Variants in NME8 observed in about 807,000 individuals in gnomAD.
NME8 encodes the protein protein NME8.
In NME8, 72 loss-of-function variants were observed where a neutral mutation model predicts 82.3. The observed-to-expected ratio is 0.87, with a 90% confidence interval of 0.72 to 1.06. The LOEUF (loss-of-function observed/expected upper bound fraction) is 1.06, where lower values mean the gene tolerates loss of function less well. NME8 is among the 50% of genes least tolerant of loss of function. The pLI, the probability that NME8 is intolerant of heterozygous loss-of-function variation, is 0.00. For missense variants in NME8, 712 were observed against 685.4 expected, an observed-to-expected ratio of 1.04 and a Z score of -0.43; for synonymous variants, 267 against 228.5, an observed-to-expected ratio of 1.17 and a Z score of -1.52.
intron 10 of NME8, among the ~76,000 whole-genome samples, chr7:37,867,342 A>C (rs1784698658): frequency 6.6e-6 from 1 of 151,666 alleles, no homozygotes; most frequent in African/African-American, 2.4e-5. Context: ...ATAAAATGAG[A>C]GGCACGTTTG....
At chr7:37,862,002 C>G in intron 6 of NME8, 26 bp from the exon 7 acceptor site, 1 of 1,425,148 alleles carries the variant, frequency 7.0e-7, no homozygotes, top group Non-Finnish European at 9.9e-7. Context: ...ATGAAAGTTC[C>G]CCTCCTGTTT....
chr7:37,896,137 G>A (rs2131976910), intron 16 of NME8, among the ~76,000 whole-genome samples: 1 of 152,258 alleles, frequency 6.6e-6, no homozygotes, highest in Non-Finnish European at 1.5e-5. Flanking sequence ...ATGAGTTTAG[G>A]AAGGCAGAAT....
intron 5 of NME8, among the ~76,000 whole-genome samples, chr7:37,856,077 T>TA (rs1308625804): frequency 1.3e-5 from 2 of 152,206 alleles, no homozygotes; most frequent in Non-Finnish European, 2.9e-5. Context: ...CTCAGCTTTT[T>TA]AGCAGCACTT....
intron 15 of NME8, among the ~76,000 whole-genome samples, chr7:37,890,246 A>G (rs1785108066): frequency 6.6e-6 from 1 of 152,024 alleles, no homozygotes; most frequent in Non-Finnish European, 1.5e-5. Flanking sequence ...CTTTCTCTCA[A>G]AATATATGTT....
chr7:37,855,303 A>G lies in NME8; in HGVS notation c.199-1971A>G, dbSNP rs140958082. Among the ~76,000 whole-genome samples the G allele has an allele frequency of 9.1e-3, 1,392 of 152,318 alleles. 15 individuals carry two copies. The highest frequency in any genetic ancestry group is 0.015 in the Non-Finnish European group (1,008 of 68,022). ...CCAGAATAAAAGGTTCTCATTGTCC[A>G]GGATTTCTTGTACAACTGAAAGACT... On this transcript the variant is annotated intron_variant, in intron 5 of 17. Coordinates refer to ENST00000199447, the MANE Select transcript of NME8 (RefSeq NM_016616.5).
At chr7:37,894,039 A>G (rs902293907) in intron 15 of NME8, among the ~76,000 whole-genome samples, 2 of 152,178 alleles carry the variant, frequency 1.3e-5, no homozygotes, top group Admixed American at 1.3e-4. Context: ...TGAGATTTTG[A>G]CAACATTTGC....
intron 15 of NME8, among the ~76,000 whole-genome samples, chr7:37,891,118 C>CT (rs1337898726): frequency 1.3e-5 from 2 of 151,684 alleles, no homozygotes; most frequent in African/African-American, 4.8e-5. Context: ...AACCAGAATC[C>CT]TTTTTTGGGG....
intron 5 of NME8, among the ~76,000 whole-genome samples, chr7:37,852,484 T>C (rs1241195459): frequency 6.6e-6 from 1 of 152,094 alleles, no homozygotes; most frequent in African/African-American, 2.4e-5. Context: ...CCCAGCAAAA[T>C]CCTCTGTAAT....
chr7:37,865,701 A>G (rs1302735131), intron 10 of NME8, 84 bp downstream of exon 10: 1 of 905,006 alleles, frequency 1.1e-6, no homozygotes, highest in African/African-American at 1.7e-5. Context: ...ACAGAAAAGC[A>G]AATTAGTAAG....
intron 14 of NME8, among the ~76,000 whole-genome samples, chr7:37,888,051 T>A (rs1451219805): frequency 6.6e-6 from 1 of 152,160 alleles, no homozygotes; most frequent in Non-Finnish European, 1.5e-5. Flanking sequence ...TCTGTTAATA[T>A]TCATCGCCTT....
chr7:37,879,952 A>G (rs564887875), intron 12 of NME8, among the ~76,000 whole-genome samples: 138 of 152,308 alleles, frequency 9.1e-4, no homozygotes, highest in Middle Eastern at 3.4e-3. Context: ...ATGACATATT[A>G]TGCAGAGCTT....
Position 37,865,385 on chromosome 7 carries a change from C to T in NME8, c.529-140C>T, listed in dbSNP as rs533459529. 3.2e-4 allele frequency: 216 copies of T among 669,474 alleles called. No homozygotes were observed. In the African/African-American group the frequency reaches 3.7e-3, roughly 11 times the overall value. 41.5% of individuals were successfully genotyped at this position (669,474 alleles called of 1,614,324 possible). ...TGTATATTTTTGAGCCACTTCAAAC[C>T]AAGTGTCCTATAGATTTTGCTGAGG... is the stretch of plus-strand genomic sequence containing the variant. On this transcript the variant is annotated intron_variant, in intron 9 of 17. Transcript: ENST00000199447.
Position 37,862,986 on chromosome 7 carries a change from G to A in NME8, c.388-410G>A, listed in dbSNP as rs372079670. Reference sequence around the variant, plus strand: ...AATACAAAAATTAGCCGGGCATGGTGGCAGGTGCCTGTAATCCCAGCTATT... The same window carrying A: ...AATACAAAAATTAGCCGGGCATGGTAGCAGGTGCCTGTAATCCCAGCTATT... On this transcript the variant is annotated intron_variant, in intron 7 of 17. Coordinates refer to ENST00000199447, the MANE Select transcript of NME8 (RefSeq NM_016616.5). 7.9e-5 allele frequency among the ~76,000 whole-genome samples: 12 copies of A among 152,128 alleles called. No homozygotes were observed. In the East Asian group the frequency reaches 1.4e-3, roughly 17 times the overall value.
intron 6 of NME8, among the ~76,000 whole-genome samples, chr7:37,861,432 G>A (rs999167694): frequency 6.6e-6 from 1 of 151,992 alleles, no homozygotes; most frequent in Non-Finnish European, 1.5e-5. Context: ...AGTACCTTTC[G>A]TGATCTCTTT....
intron 12 of NME8, among the ~76,000 whole-genome samples, chr7:37,880,932 G>C (rs944203660): frequency 2.6e-5 from 4 of 151,710 alleles, no homozygotes; most frequent in African/African-American, 9.7e-5. Flanking sequence ...AATTCCAATT[G>C]CTCATTTCTG....
rs148434086 is a variant in NME8, at chr7:37,881,676, G to A, written c.995-2627G>A. Among the ~76,000 whole-genome samples the A allele has an allele frequency of 1.3e-3, 197 of 152,246 alleles. 3 individuals carry two copies. Among genetic ancestry groups the A allele is most frequent in the Admixed American group, 3.3e-3 (51 of 15,298 alleles). Reference sequence around the variant, plus strand: ...CTGGCCTCATGGAATGAGTTAGAAAGTGTTCCCTCTGCTTCTATTTGCTGA... The same window carrying A: ...CTGGCCTCATGGAATGAGTTAGAAAATGTTCCCTCTGCTTCTATTTGCTGA... On this transcript the variant is annotated intron_variant, in intron 12 of 17. Coordinates refer to ENST00000199447, the MANE Select transcript of NME8 (RefSeq NM_016616.5).
intron 5 of NME8, among the ~76,000 whole-genome samples, chr7:37,851,201 G>T (rs1343770073): frequency 6.6e-6 from 1 of 152,128 alleles, no homozygotes; most frequent in Non-Finnish European, 1.5e-5. Flanking sequence ...TTACTGAATT[G>T]TACTGTTTTT....
intron 15 of NME8, among the ~76,000 whole-genome samples, chr7:37,893,880 G>T (rs1451193020): frequency 6.6e-6 from 1 of 152,058 alleles, no homozygotes. Flanking sequence ...GCTGTCTGTT[G>T]GTTATAATCA....
At chr7:37,899,864 G>A (rs949646771) in intron 17 of NME8, among the ~76,000 whole-genome samples, 7 of 151,872 alleles carry the variant, frequency 4.6e-5, no homozygotes, top group East Asian at 1.9e-4. Context: ...CACAACCCTC[G>A]CCTTTACACT....
Sources: gnomAD v4.1 joint callset for allele counts (sites outside exome capture counted in the v4.1 genomes callset) on GRCh38, gnomAD v4.1.1 for gene constraint, MANE v1.5 for transcripts, NCBI Gene and HGNC (gene_info 2026-07-23, HGNC 2026-07-21) for gene names.